Variants in KIF1C observed in about 807,000 individuals in gnomAD.
KIF1C encodes the protein kinesin-like protein KIF1C.
KIF1C carries 61 observed loss-of-function variants against 126.5 expected under a neutral mutation model. The observed-to-expected ratio is 0.48, with a 90% CI of 0.39 to 0.60. The LOEUF is 0.60. KIF1C is among the 20% of genes least tolerant of loss of function. The pLI is 0.00. For missense variants in KIF1C, 1,315 were observed against 1,489.2 expected (o/e 0.88, Z 1.93); for synonymous variants, 640 against 580.6 (o/e 1.10, Z -1.47).
intron 4 of KIF1C, 69 bp downstream of exon 4, chr17:5,000,917 A>G (rs1197040382): frequency 1.4e-6 from 2 of 1,447,926 alleles, no homozygotes; most frequent in East Asian, 2.3e-5. Flanking sequence ...GGGAGGGGAC[A>G]TGTTAAGAAA....
intron 13 of KIF1C, among the ~76,000 whole-genome samples, chr17:5,006,401 G>T (rs1974735728): frequency 6.6e-6 from 1 of 151,322 alleles, no homozygotes. Flanking sequence ...CAATGGCGTG[G>T]TCTCGGCTCA....
chr17:5,003,549 C>G, intron 8 of KIF1C, 63 bp from the exon 9 acceptor site: 1 of 1,214,660 alleles, frequency 8.2e-7, no homozygotes, highest in Non-Finnish European at 1.2e-6. Flanking sequence ...TGGGTGCTTC[C>G]CTGATTTCCC....
rs928691452 is a variant in KIF1C, at chr17:5,026,377, T to C, written c.*2226T>C. On this transcript the variant is annotated 3_prime_UTR_variant, in exon 23 of 23. Transcript: ENST00000320785. ...GCTGTGGGGTTTGAGATGAGAAAAA[T>C]AGCTTGCTAATTTAAAAGACGGATT... 6.6e-6 allele frequency: 1 copy of C among 152,100 alleles called. No individual in the cohort carries two copies. Among genetic ancestry groups the C allele is most frequent in the Non-Finnish European group, 1.5e-5 (1 of 68,038 alleles). 9.4% of individuals were successfully genotyped at this position (152,100 alleles called of 1,614,324 possible).
intron 21 of KIF1C, among the ~76,000 whole-genome samples, chr17:5,021,654 T>A (rs760241886): frequency 6.6e-5 from 10 of 151,860 alleles, no homozygotes; most frequent in Non-Finnish European, 1.2e-4. Flanking sequence ...CTACATTTTT[T>A]ATTTTTTGTA....
chr17:5,001,478 G>A (rs887965841), intron 5 of KIF1C, 77 bp downstream of exon 5: 13 of 1,377,912 alleles, frequency 9.4e-6, no homozygotes, highest in East Asian at 2.4e-5. Context: ...GACTAGGGTC[G>A]GAGGATTATG....
At position 5,002,107 on chromosome 17, in the gene KIF1C, C is replaced by G. The variant is rs773746672; in HGVS notation, c.412C>G (p.Leu138Val). The change falls in exon 6 of 23, where the codon CTA (leucine) becomes GTA (valine). Residue 138 changes from leucine (L) to valine (V), a missense_variant. By Grantham distance (32) the Leu-to-Val change is conservative. Around this residue, in one of 2 missense-constraint regions of KIF1C, gnomAD observed 874 missense variants for 1,053.2 expected, o/e 0.83. Coordinates refer to ENST00000320785, the MANE Select transcript of KIF1C (RefSeq NM_006612.6). ...SRVSENQSAQ[L>V]SYSVEVSYME... ...CGTTAGTGAGAACCAGAGTGCTCAGCTATCCTACTCTGTGGAGGTAAGCCC... is the reference window on the plus strand; with the variant it reads ...CGTTAGTGAGAACCAGAGTGCTCAGGTATCCTACTCTGTGGAGGTAAGCCC... 60 of 1,613,924 alleles carry G rather than the reference C, an allele frequency of 3.7e-5. No homozygotes were observed. The highest frequency in any genetic ancestry group is 5.0e-5 in the Non-Finnish European group (59 of 1,179,970).
intron 12 of KIF1C, 48 bp from the exon 13 acceptor site, chr17:5,004,807 G>A (rs182259419): frequency 3.1e-6 from 5 of 1,612,610 alleles, no homozygotes; most frequent in Non-Finnish European, 4.2e-6. Context: ...AGCAGACCAA[G>A]GGTCCCCTGC....
intron 3 of KIF1C, 67 bp downstream of exon 3, chr17:5,000,419 C>T (rs1463430951): frequency 3.2e-5 from 34 of 1,073,524 alleles, no homozygotes; most frequent in Non-Finnish European, 4.5e-5. Flanking sequence ...ACAGGCCAGT[C>T]CCGCTGGGCC....
chr17:5,008,500 T>G (rs1198739936), intron 16 of KIF1C, among the ~76,000 whole-genome samples: 1 of 152,208 alleles, frequency 6.6e-6, no homozygotes, highest in Non-Finnish European at 1.5e-5. Context: ...AGATACACTG[T>G]GCTCTGAGCC....
At chr17:5,011,040 G>A (rs746255299) in intron 16 of KIF1C, among the ~76,000 whole-genome samples, 45 of 151,942 alleles carry the variant, frequency 3.0e-4, no homozygotes, top group Non-Finnish European at 5.6e-4. Context: ...ATTTCCCCTC[G>A]CCCTTTCCCA....
Position 5,020,610 on chromosome 17 carries a change from C to T in KIF1C, c.1869C>T (p.Asp623=), listed in dbSNP as rs1975069035. 2.5e-6 allele frequency: 4 copies of T among 1,614,148 alleles called. No individual in the cohort carries two copies. The Admixed American group carries it at 6.7e-5, about 27-fold the overall frequency. ...PPPGPPSEPV[D]WNFAQKELLE... ...CAGGACCGCCCTCTGAGCCAGTCGACTGGAACTTTGCCCAGAAGGAACTGC... is the reference window on the plus strand; with the variant it reads ...CAGGACCGCCCTCTGAGCCAGTCGATTGGAACTTTGCCCAGAAGGAACTGC... The change falls in exon 20 of 23, where the codon GAC becomes GAT. Residue 623 remains aspartate (D), a synonymous_variant. Transcript: ENST00000320785. This position sits in a 1 kb window ranked among gnomAD's most constrained non-coding sequence, Gnocchi z 5.8.
chr17:5,019,055 G>A (rs1014009702), intron 18 of KIF1C, among the ~76,000 whole-genome samples: 11 of 151,654 alleles, frequency 7.3e-5, no homozygotes, highest in Non-Finnish European at 1.5e-5. Context: ...TCTCCCCATC[G>A]GCTTCTGAGT....
chr17:5,020,093 C>T lies in KIF1C; in HGVS notation c.1750+14C>T, dbSNP rs1346711763. ...TGCTGAAGTCAGGTAGAAGATGTGT[C>T]GCAGATTGAGGGTTCTGGGGCGTGG... On this transcript the variant is annotated intron_variant, in intron 19 of 22. Transcript: ENST00000320785. This position sits in a 1 kb window ranked among gnomAD's most constrained non-coding sequence, Gnocchi z 5.8. The T allele has an allele frequency of 6.4e-6, 10 of 1,570,810 alleles. No individual in the cohort carries two copies. The South Asian group carries it at 9.3e-5, about 15-fold the overall frequency.
In KIF1C at chr17:5,024,206, A is replaced by G; in HGVS notation, c.*55A>G. The G allele has an allele frequency of 8.0e-7, 1 of 1,251,312 alleles. No homozygotes were observed. The highest frequency in any genetic ancestry group is 1.4e-5 in the South Asian group (1 of 72,774). 77.5% of individuals were successfully genotyped at this position (1,251,312 alleles called of 1,614,324 possible). A position where few individuals can be genotyped will look rare whatever the true frequency, so the allele number is the denominator to read the frequency against. ...GGGCCCCTTGCTAGGAGAAGGGAAG[A>G]CGCCCGAGACGCTGCTTCCCCAGAA... On this transcript the variant is annotated 3_prime_UTR_variant, in exon 23 of 23. Transcript: ENST00000320785.
chr17:5,001,057 G>C (rs952228103), intron 4 of KIF1C, among the ~76,000 whole-genome samples, 165 bp from the exon 5 acceptor site: 1 of 152,136 alleles, frequency 6.6e-6, no homozygotes, highest in African/African-American at 2.4e-5. Context: ...GACTAGCAGG[G>C]GCTGGATAGG....
rs1229431265 is a variant in KIF1C at position 5,028,317 on chromosome 17, T to C, written c.*4166T>C. ...TAGCTTCTCACACCATACCGACATA[T>C]GTTGGTTATTCTTTTAGACATGTTT... On this transcript the variant is annotated 3_prime_UTR_variant, in exon 23 of 23. Transcript: ENST00000320785. 3 of 152,230 alleles carry C rather than the reference T, an allele frequency of 2.0e-5. No individual in the cohort carries two copies. The highest frequency in any genetic ancestry group is 7.2e-5 in the African/African-American group (3 of 41,452). The allele number at this position is 152,230 out of a possible 1,614,324, so 9.4% of individuals were successfully genotyped here.
chr17:5,003,517 TG>T, intron 8 of KIF1C, 94 bp from the exon 9 acceptor site: 3 of 828,036 alleles, frequency 3.6e-6, no homozygotes, highest in Non-Finnish European at 5.8e-6. Flanking sequence ...CTCTAGCCCT[TG>T]CCAGCTGCCC....
intron 8 of KIF1C, among the ~76,000 whole-genome samples, chr17:5,003,169 C>T (rs899322283): frequency 1.3e-5 from 2 of 152,054 alleles, no homozygotes; most frequent in Admixed American, 6.6e-5. Flanking sequence ...CTCAGCCTCC[C>T]GAGTACCTGG....
chr17:5,014,994 A>G (rs181159911), intron 18 of KIF1C, among the ~76,000 whole-genome samples, 157 bp downstream of exon 18: 1 of 152,302 alleles, frequency 6.6e-6, no homozygotes, highest in East Asian at 1.9e-4. Flanking sequence ...GCTCATGGGT[A>G]TGAATGGAGG....
Sources: allele counts gnomAD v4.1 joint callset (sites outside exome capture counted in the v4.1 genomes callset), GRCh38; gene constraint gnomAD v4.1.1; regional missense constraint gnomAD v4.1.1; non-coding constraint Gnocchi (gnomAD v3.1); transcripts MANE v1.5; gene names NCBI Gene and HGNC (gene_info 2026-07-23, HGNC 2026-07-21).